The following PTPRD variants were observed in gnomAD, a reference collection of about 807,000 sequenced individuals.
PTPRD encodes receptor-type tyrosine-protein phosphatase delta.
In PTPRD, 34 loss-of-function variants were observed where a neutral mutation model predicts 214.5. That is an observed-to-expected ratio of 0.16 (90% CI 0.12 to 0.21). PTPRD has a LOEUF of 0.21. PTPRD is among the 10% of genes least tolerant of loss of function. PTPRD has a pLI of 1.00. For missense variants in PTPRD, 2,545 were observed against 2,398.7 expected, an observed-to-expected ratio of 1.06 and a Z score of -1.27; for synonymous variants, 1,128 against 845.7, an observed-to-expected ratio of 1.33 and a Z score of -5.79.
chr9:8,550,861 A>C (rs908035234), intron 14 of PTPRD, among the ~76,000 whole-genome samples: 1 of 152,226 alleles, frequency 6.6e-6, no homozygotes, highest in African/African-American at 2.4e-5. Context: ...TAGAGAAATA[A>C]GAACGCAACA....
At position 8,389,319 on chromosome 9, in the gene PTPRD, G is replaced by C. The variant is rs769986785; in HGVS notation, c.4299C>G (p.Pro1433=). 6.2e-7 allele frequency: 1 copy of C among 1,612,736 alleles called. No homozygotes were observed. The highest frequency in any genetic ancestry group is 8.5e-7 in the Non-Finnish European group (1 of 1,179,226). ...TTCTCCAAAAGTCCCCAAATGTTTC[G>C]GGGAGAGATCCCTGTGTTGCAATAT... is the stretch of plus-strand genomic sequence containing the variant. ...NAYIATQGSL[P]ETFGDFWRMI... Residue 1433 remains proline (P), a synonymous_variant, in exon 37 of 46, where the codon CCC becomes CCG. Transcript: ENST00000381196.
chr9:10,206,908 T>C (rs1432897685), intron 3 of PTPRD, among the ~76,000 whole-genome samples: 3 of 152,150 alleles, frequency 2.0e-5, no homozygotes, highest in Non-Finnish European at 1.5e-5. Context: ...TACTGGAGCA[T>C]ATCATCACAA....
rs1263455716 is a variant in PTPRD at position 8,317,259 on chromosome 9, G to GAGTT, written c.*611_*614dup. On this transcript the variant is annotated 3_prime_UTR_variant, in exon 46 of 46. Transcript: ENST00000381196. ...TACGATTTGGAAATAAAAAAATGAA[G>GAGTT]AGTTATGTAACTTTTTTAAAATTCA... The GAGTT allele has an allele frequency of 8.6e-6, 2 of 231,894 alleles. No homozygotes were observed. Among genetic ancestry groups the GAGTT allele is most frequent in the East Asian group, 6.1e-5 (1 of 16,400 alleles). 14.4% of individuals were successfully genotyped at this position (231,894 alleles called of 1,614,324 possible).
chr9:8,676,233 C>A (rs1289205601), intron 12 of PTPRD, among the ~76,000 whole-genome samples: 2 of 152,126 alleles, frequency 1.3e-5, no homozygotes, highest in African/African-American at 2.4e-5. Context: ...AGTTTCAGAA[C>A]CCTCTGAGGC....
At chr9:9,321,902 A>G (rs1288285189) in intron 9 of PTPRD, among the ~76,000 whole-genome samples, 15 of 152,164 alleles carry the variant, frequency 9.9e-5, no homozygotes, top group Non-Finnish European at 2.2e-4. Context: ...GACCTAATTA[A>G]CTTGATTTTG....
chr9:10,533,576 C>A (rs2057010837), intron 2 of PTPRD, among the ~76,000 whole-genome samples: 2 of 151,284 alleles, frequency 1.3e-5, no homozygotes, highest in African/African-American at 2.4e-5. Context: ...AACACATAAA[C>A]CTCATGTCAC....
intron 12 of PTPRD, among the ~76,000 whole-genome samples, chr9:8,668,511 C>G (rs1161897160): frequency 6.6e-6 from 1 of 152,162 alleles, no homozygotes; most frequent in Admixed American, 6.5e-5. Flanking sequence ...TACCATCTTA[C>G]ATAGAATAAG....
intron 14 of PTPRD, among the ~76,000 whole-genome samples, chr9:8,599,819 G>T (rs1426145733): frequency 6.6e-6 from 1 of 151,888 alleles, no homozygotes; most frequent in Non-Finnish European, 1.5e-5. Context: ...GCTTCTCCAT[G>T]TTGGTCAGGC....
intron 8 of PTPRD, among the ~76,000 whole-genome samples, chr9:9,527,676 ATTTTTATTTCT>A (rs2074446077): frequency 6.6e-6 from 1 of 152,044 alleles, no homozygotes; most frequent in Non-Finnish European, 1.5e-5. Flanking sequence ...ATCCTTAGTC[ATTTTTATTTCT>A]TTTTTATATG....
At chr9:9,900,211 T>C (rs910355336) in intron 5 of PTPRD, among the ~76,000 whole-genome samples, 4 of 152,192 alleles carry the variant, frequency 2.6e-5, no homozygotes, top group African/African-American at 9.6e-5. Flanking sequence ...TCTGCTTCCA[T>C]TTTAAATAAA....
chr9:8,713,516 A>C (rs2098390660), intron 12 of PTPRD: 1 of 1,201,884 alleles, frequency 8.3e-7, no homozygotes, highest in East Asian at 2.3e-5. Context: ...CAGGTGTTTG[A>C]GAAGTCCCCG....
intron 8 of PTPRD, among the ~76,000 whole-genome samples, chr9:9,427,757 T>A (rs1426592903): frequency 6.6e-6 from 1 of 152,140 alleles, no homozygotes. Flanking sequence ...GGGCCACTAC[T>A]CAACATGCTT....
chr9:8,498,501 C>G (rs2097326341), intron 25 of PTPRD, among the ~76,000 whole-genome samples: 1 of 152,170 alleles, frequency 6.6e-6, no homozygotes, highest in African/African-American at 2.4e-5. Flanking sequence ...TGGTCTCGAT[C>G]TCTTGACCAG....
At chr9:9,388,441 A>G (rs34336655) in intron 9 of PTPRD, among the ~76,000 whole-genome samples, 3 of 152,246 alleles carry the variant, frequency 2.0e-5, no homozygotes, top group East Asian at 3.9e-4. Context: ...TAATGTATCA[A>G]TATATCTAAA....
intron 14 of PTPRD, among the ~76,000 whole-genome samples, chr9:8,586,595 C>CTTCATGAAA (rs1234121589): frequency 1.3e-5 from 2 of 152,140 alleles, no homozygotes; most frequent in African/African-American, 4.8e-5. Flanking sequence ...CCCCACAACA[C>CTTCATGAAA]AGTATGACTT....
chr9:8,657,580 T>A (rs1038986736), intron 12 of PTPRD, among the ~76,000 whole-genome samples: 2 of 152,224 alleles, frequency 1.3e-5, no homozygotes, highest in African/African-American at 4.8e-5. Context: ...TTTCTCCCGT[T>A]CTGTAGGTTA....
At chr9:10,410,067 A>C (rs534834901) in intron 2 of PTPRD, among the ~76,000 whole-genome samples, 1 of 151,610 alleles carries the variant, frequency 6.6e-6, no homozygotes, top group Non-Finnish European at 1.5e-5. Context: ...ATTTGGAATA[A>C]TTATATAGCA....
At chr9:10,082,812 T>TACAC (rs776251264) in intron 3 of PTPRD, among the ~76,000 whole-genome samples, 5,694 of 138,520 alleles carry the variant, frequency 0.041, 147 homozygotes, top group Admixed American at 0.084. Flanking sequence ...CTACTCCTCC[T>TACAC]ACACACACAC....
chr9:9,511,534 T>G (rs1426912338), intron 8 of PTPRD, among the ~76,000 whole-genome samples: 1 of 151,668 alleles, frequency 6.6e-6, no homozygotes, highest in African/African-American at 2.4e-5. Flanking sequence ...TCTTTGAAGA[T>G]CAAGCAAAAG....
Sources: gnomAD v4.1 joint callset for allele counts (sites outside exome capture counted in the v4.1 genomes callset) on GRCh38, gnomAD v4.1.1 for gene constraint, MANE v1.5 for transcripts, NCBI Gene and HGNC (gene_info 2026-07-23, HGNC 2026-07-21) for gene names.